ADGRB3: variants seen among roughly 807,000 people sequenced by gnomAD.
ADGRB3 encodes brain-specific angiogenesis inhibitor 3.
A neutral mutation model predicts 193.4 loss-of-function variants in ADGRB3; 37 were observed. The ratio of observed to expected loss-of-function variants is 0.19; its 90% CI spans 0.15 to 0.25. The LOEUF (loss-of-function observed/expected upper bound fraction) is 0.25, where lower values mean the gene tolerates loss of function less well. ADGRB3 is among the 10% of genes least tolerant of loss of function. The probability of loss-of-function intolerance (pLI) is 1.00; values close to 1 mark genes in which losing one functional copy is unlikely to be tolerated. For synonymous variants in ADGRB3, 690 were observed against 644.2 expected (o/e 1.07, Z -1.08); for missense variants, 1,637 against 1,852.9 (o/e 0.88, Z 2.14).
At chr6:69,035,727 T>G (rs998449590) in intron 13 of ADGRB3, among the ~76,000 whole-genome samples, 2 of 152,034 alleles carry the variant, frequency 1.3e-5, no homozygotes, top group Admixed American at 6.6e-5. Flanking sequence ...TTAGATAGGG[T>G]CTGATGGCCT....
intron 10 of ADGRB3, among the ~76,000 whole-genome samples, chr6:68,979,093 C>T (rs1768832826): frequency 6.7e-6 from 1 of 150,334 alleles, no homozygotes; most frequent in African/African-American, 2.4e-5. Context: ...ACTAATCTGT[C>T]ATGTTGGACA....
At chr6:68,894,556 C>T (rs1489846086) in intron 3 of ADGRB3, among the ~76,000 whole-genome samples, 2 of 151,858 alleles carry the variant, frequency 1.3e-5, no homozygotes, top group Non-Finnish European at 2.9e-5. Flanking sequence ...CTTTATCTGC[C>T]TCCCTTGCCC....
chr6:68,766,258 G>C (rs980165849), intron 3 of ADGRB3, among the ~76,000 whole-genome samples: 2 of 151,712 alleles, frequency 1.3e-5, no homozygotes, highest in Non-Finnish European at 2.9e-5. Flanking sequence ...TGAATGCTCA[G>C]ATTATTTATT....
intron 3 of ADGRB3, among the ~76,000 whole-genome samples, chr6:68,692,829 A>C (rs929842187): frequency 1.3e-5 from 2 of 151,132 alleles, no homozygotes; most frequent in African/African-American, 4.8e-5. Flanking sequence ...ACATATAGAG[A>C]GGCAGATATA....
At chr6:69,126,128 T>C (rs1411607108) in intron 17 of ADGRB3, among the ~76,000 whole-genome samples, 1 of 152,196 alleles carries the variant, frequency 6.6e-6, no homozygotes, top group African/African-American at 2.4e-5. Flanking sequence ...ATTTGTAATA[T>C]AGTATGGTAC....
chr6:69,103,006 T>G lies in ADGRB3; in HGVS notation c.2480+26968T>G, dbSNP rs552678150. 7.9e-5 allele frequency among the ~76,000 whole-genome samples: 12 copies of G among 152,296 alleles called. No homozygotes were observed. The East Asian group carries it at 2.3e-3, about 29-fold the overall frequency. On this transcript the variant is annotated intron_variant, in intron 17 of 31. Transcript: ENST00000370598. ...TGAGTATTTTGTTTTGTATATTCCTTCTCATGACAACAATGCCAAAAGAAA... is the reference window on the plus strand; with the variant it reads ...TGAGTATTTTGTTTTGTATATTCCTGCTCATGACAACAATGCCAAAAGAAA...
chr6:69,097,708 G>T lies in ADGRB3; in HGVS notation c.2480+21670G>T, dbSNP rs556858517. Among the ~76,000 whole-genome samples, 150 of 152,114 alleles carry T rather than the reference G, an allele frequency of 9.9e-4. No individual in the cohort carries two copies. In the Middle Eastern group the frequency reaches 0.01, roughly 10 times the overall value. ...TGTGTGTGTATATATGTGTGTGTGT[G>T]TGTGTGTATATATGGCTATATGGCT... On this transcript the variant is annotated intron_variant, in intron 17 of 31. Transcript: ENST00000370598.
chr6:69,061,300 T>C (rs1284480387), intron 15 of ADGRB3, among the ~76,000 whole-genome samples: 1 of 151,902 alleles, frequency 6.6e-6, no homozygotes, highest in East Asian at 1.9e-4. Context: ...CTAGATATAG[T>C]AAATTCCTCC....
chr6:68,809,845 CA>C, intron 3 of ADGRB3, among the ~76,000 whole-genome samples: 1 of 152,204 alleles, frequency 6.6e-6, no homozygotes, highest in Middle Eastern at 3.4e-3. Flanking sequence ...AATTACAACA[CA>C]AGTATATTAT....
chr6:68,879,638 G>A (rs796371412), intron 3 of ADGRB3, among the ~76,000 whole-genome samples: 4 of 152,208 alleles, frequency 2.6e-5, no homozygotes, highest in African/African-American at 9.6e-5. Flanking sequence ...ATGTGTGTGT[G>A]CATCTTTCTA....
intron 11 of ADGRB3, among the ~76,000 whole-genome samples, chr6:68,996,704 G>A (rs1769393607): frequency 1.3e-5 from 2 of 152,218 alleles, no homozygotes; most frequent in South Asian, 4.1e-4. Flanking sequence ...ATGGGCCTGT[G>A]AACTCCAAGA....
intron 20 of ADGRB3, among the ~76,000 whole-genome samples, chr6:69,244,267 A>G (rs917825083): frequency 5.9e-5 from 9 of 151,982 alleles, no homozygotes; most frequent in Non-Finnish European, 1.0e-4. Flanking sequence ...TAAAGATGTT[A>G]TATTTTTGTT....
intron 16 of ADGRB3, among the ~76,000 whole-genome samples, chr6:69,068,929 C>T (rs1771991054): frequency 6.6e-6 from 1 of 152,038 alleles, no homozygotes; most frequent in South Asian, 2.1e-4. Flanking sequence ...TTAGCTAAAG[C>T]CAATTTTTTT....
intron 17 of ADGRB3, among the ~76,000 whole-genome samples, chr6:69,166,152 T>G (rs969162256): frequency 6.6e-6 from 1 of 152,094 alleles, no homozygotes; most frequent in Non-Finnish European, 1.5e-5. Context: ...TTCTATTTAA[T>G]TTTTTGGTAC....
At chr6:68,898,660 G>C (rs1766309720) in intron 3 of ADGRB3, among the ~76,000 whole-genome samples, 1 of 152,070 alleles carries the variant, frequency 6.6e-6, no homozygotes, top group African/African-American at 2.4e-5. Flanking sequence ...TGGAAAAGGG[G>C]AAAGTAGAAT....
In ADGRB3 at chr6:68,853,982, A is replaced by G. The variant is rs1768457793; in HGVS notation, c.758-76577A>G. On this transcript the variant is annotated intron_variant, in intron 3 of 31. Coordinates refer to ENST00000370598, the MANE Select transcript of ADGRB3 (RefSeq NM_001704.3). ...GTCCTGTACAGATCTTTTATTAATC[A>G]TCTTAATTCTTAATTCTGCACTGCC... Among the ~76,000 whole-genome samples, 3 of 152,286 alleles carry G rather than the reference A, an allele frequency of 2.0e-5. No homozygotes were observed. The South Asian group carries it at 6.2e-4, about 32-fold the overall frequency.
intron 3 of ADGRB3, among the ~76,000 whole-genome samples, chr6:68,640,756 A>G (rs1225438817): frequency 6.6e-6 from 1 of 152,208 alleles, no homozygotes; most frequent in African/African-American, 2.4e-5. Context: ...GAGAACCGAA[A>G]TAGCCTAATG....
At chr6:69,206,395 A>G (rs2150359680) in intron 17 of ADGRB3, among the ~76,000 whole-genome samples, 1 of 152,180 alleles carries the variant, frequency 6.6e-6, no homozygotes, top group South Asian at 2.1e-4. Context: ...GCCCTCACAG[A>G]CACATCCAGG....
At chr6:68,969,275 T>G (rs962809922) in intron 8 of ADGRB3, among the ~76,000 whole-genome samples, 34 of 152,286 alleles carry the variant, frequency 2.2e-4, no homozygotes, top group Middle Eastern at 3.4e-3. Context: ...GAATACATCA[T>G]TTAAGCAGCA....
Sources: gnomAD v4.1 joint callset for allele counts (sites outside exome capture counted in the v4.1 genomes callset) on GRCh38, gnomAD v4.1.1 for gene constraint, MANE v1.5 for transcripts, NCBI Gene and HGNC (gene_info 2026-07-23, HGNC 2026-07-21) for gene names.